The following TOX2 variants were observed in gnomAD, a reference collection of about 807,000 sequenced individuals.
The protein encoded by TOX2 is TOX high mobility group box family member 2, also known as granulosa cell HMG box 1.
Under a neutral mutation model 47.4 loss-of-function variants are expected in TOX2, and 15 were observed. The observed-to-expected ratio is 0.32, with a 90% CI of 0.21 to 0.49. TOX2 has a LOEUF of 0.49. Among genes scored for constraint, TOX2 ranks in the 20% least tolerant of loss-of-function variants. The probability of loss-of-function intolerance (pLI) is 0.99; values close to 1 mark genes in which losing one functional copy is unlikely to be tolerated. For synonymous variants in TOX2, 290 were observed against 296.6 expected (o/e 0.98, Z 0.23); for missense variants, 622 against 673.1 (o/e 0.92, Z 0.84).
chr20:44,033,119 G>C (rs2071182873), intron 3 of TOX2, among the ~76,000 whole-genome samples: 1 of 152,220 alleles, frequency 6.6e-6, no homozygotes. Flanking sequence ...AAATTTGTCA[G>C]CGTGCAAAGG....
rs73120165 is a variant in TOX2, at chr20:44,041,187, A to G, written c.412-10119A>G. Among the ~76,000 whole-genome samples the G allele has an allele frequency of 2.5e-3, 382 of 152,342 alleles. 1 individual carries two copies. The highest frequency in any genetic ancestry group is 0.023 in the South Asian group (109 of 4,828). On this transcript the variant is annotated intron_variant, in intron 3 of 8. Transcript: ENST00000341197. ...GGGTGGCCTTTAGCACCCCTGTGCC[A>G]GTCAAGCAGTGGTGAGGTCTGCTGC...
chr20:43,938,658 C>T (rs2069361262), intron 1 of TOX2, among the ~76,000 whole-genome samples: 1 of 152,296 alleles, frequency 6.6e-6, no homozygotes, highest in East Asian at 1.9e-4. Flanking sequence ...AGCTCTTTAC[C>T]CGGGATTCAC....
intron 1 of TOX2, among the ~76,000 whole-genome samples, chr20:43,929,289 C>T (rs1422737494): frequency 6.6e-6 from 1 of 152,234 alleles, no homozygotes; most frequent in African/African-American, 2.4e-5. Flanking sequence ...CTGCTTAAAG[C>T]CTTCCAGTGC....
intron 1 of TOX2, among the ~76,000 whole-genome samples, chr20:43,938,464 C>A (rs918583257): frequency 6.6e-6 from 1 of 152,210 alleles, no homozygotes; most frequent in African/African-American, 2.4e-5. Context: ...TAAGTTGAAG[C>A]AATCCTGGCT....
chr20:43,959,113 G>T (rs1043935343), intron 1 of TOX2, among the ~76,000 whole-genome samples: 31 of 152,212 alleles, frequency 2.0e-4, no homozygotes, highest in Non-Finnish European at 1.5e-4. Context: ...AAGGCAACTG[G>T]GGTGAAAGCG....
chr20:44,029,687 C>T (rs150687811), intron 3 of TOX2, among the ~76,000 whole-genome samples: 2,126 of 152,316 alleles, frequency 0.014, 25 homozygotes, highest in Non-Finnish European at 0.024. Flanking sequence ...CCTCCACAAT[C>T]GCACTTTCTG....
chr20:44,056,140 G>C (rs2071611757), intron 5 of TOX2, among the ~76,000 whole-genome samples: 1 of 152,204 alleles, frequency 6.6e-6, no homozygotes, highest in South Asian at 2.1e-4. Context: ...GGGCAAGGGT[G>C]CTGGGGTGGA....
At chr20:43,978,756 A>G (rs2070121658) in intron 2 of TOX2, among the ~76,000 whole-genome samples, 1 of 133,500 alleles carries the variant, frequency 7.5e-6, no homozygotes, top group Admixed American at 8.4e-5. Flanking sequence ...GGAATTATTG[A>G]AAGAACTTGT....
chr20:43,936,968 A>G (rs2069334400), intron 1 of TOX2, among the ~76,000 whole-genome samples: 1 of 152,206 alleles, frequency 6.6e-6, no homozygotes, highest in Non-Finnish European at 1.5e-5. Context: ...TGTGCCAGGC[A>G]CTGTGGCAGG....
chr20:43,943,651 A>C (rs960822995), intron 1 of TOX2, among the ~76,000 whole-genome samples: 1 of 152,004 alleles, frequency 6.6e-6, no homozygotes, highest in Admixed American at 6.5e-5. Flanking sequence ...GGAACAACAA[A>C]AAAAAAGTTT....
At position 44,066,049 on chromosome 20, in the gene TOX2, C is replaced by T; in HGVS notation, c.1298C>T (p.Pro433Leu). The T allele has an allele frequency of 2.5e-6, 4 of 1,590,424 alleles. No individual in the cohort carries two copies. Among genetic ancestry groups the T allele is most frequent in the East Asian group, 4.5e-5 (2 of 44,676 alleles). Residue 433 changes from proline to leucine, a missense_variant, in exon 7 of 9, where the codon CCC (proline) becomes CTC (leucine). Physicochemically the swap from Pro to Leu is moderately conservative, Grantham distance 98. This residue lies in a region of TOX2 where 294 missense variants were observed against 300.0 expected (regional missense o/e 0.98). Coordinates refer to ENST00000341197, the MANE Select transcript of TOX2 (RefSeq NM_001098797.2). ...CCAGCCCCCCAGCCCCCTGTCCTGC[C>T]CACCCCCATGGCACTCCAGGTGCAG... Reference protein sequence around the residue: ...MSPAPQPPVLPTPMALQVQLA... With the variant: ...MSPAPQPPVLLTPMALQVQLA...
chr20:44,014,877 A>G (rs1257371265), intron 3 of TOX2, among the ~76,000 whole-genome samples: 1 of 152,102 alleles, frequency 6.6e-6, no homozygotes, highest in Non-Finnish European at 1.5e-5. Context: ...GCTGGGGGAC[A>G]GGCAGGGGAA....
chr20:44,052,776 G>T (rs915469931), intron 4 of TOX2, among the ~76,000 whole-genome samples: 1 of 152,154 alleles, frequency 6.6e-6, no homozygotes, highest in Non-Finnish European at 1.5e-5. Context: ...GCTAGTAAGT[G>T]GGGGGAACCA....
At chr20:44,059,347 C>G (rs1194578622) in intron 5 of TOX2, among the ~76,000 whole-genome samples, 3 of 152,076 alleles carry the variant, frequency 2.0e-5, no homozygotes, top group African/African-American at 7.2e-5. Context: ...ATGAACAAAG[C>G]CTCCAAGAAG....
At position 44,055,071 on chromosome 20, in the gene TOX2, C is replaced by T. The variant is rs148296678; in HGVS notation, c.879+545C>T. ...TCACATCTGGGCTGGGCTTTCCCCC[C>T]GGTATGTCACTGAATCCTTACAACA... On this transcript the variant is annotated intron_variant, in intron 5 of 8. Coordinates refer to ENST00000341197, the MANE Select transcript of TOX2 (RefSeq NM_001098797.2). 1.7e-3 allele frequency among the ~76,000 whole-genome samples: 252 copies of T among 152,290 alleles called. 1 individual carries two copies. The highest frequency in any genetic ancestry group is 5.7e-3 in the African/African-American group (237 of 41,554).
At chr20:43,921,200 G>A (rs2069109312) in intron 1 of TOX2, among the ~76,000 whole-genome samples, 1 of 152,244 alleles carries the variant, frequency 6.6e-6, no homozygotes, top group Non-Finnish European at 1.5e-5. Flanking sequence ...CTGTAGGCGG[G>A]AAGAGGAGCT....
intron 1 of TOX2, among the ~76,000 whole-genome samples, chr20:43,930,637 G>C (rs1451930388): frequency 1.3e-5 from 2 of 152,162 alleles, no homozygotes; most frequent in African/African-American, 2.4e-5. Context: ...GGCACAGTTG[G>C]CCTGGCCTTC....
At chr20:44,065,422 G>A (rs1346010261) in intron 6 of TOX2, among the ~76,000 whole-genome samples, 2 of 152,356 alleles carry the variant, frequency 1.3e-5, no homozygotes, top group African/African-American at 4.8e-5. Context: ...GTTGGAAGGA[G>A]CATGATTAGA....
intron 2 of TOX2, among the ~76,000 whole-genome samples, chr20:43,993,239 C>T (rs975056782): frequency 1.3e-4 from 20 of 152,082 alleles, no homozygotes; most frequent in African/African-American, 4.6e-4. Context: ...GGAGTATCAC[C>T]ATCAGTTTTG....
Sources: allele counts gnomAD v4.1 joint callset (sites outside exome capture counted in the v4.1 genomes callset), GRCh38; gene constraint gnomAD v4.1.1; regional missense constraint gnomAD v4.1.1; transcripts MANE v1.5; gene names NCBI Gene and HGNC (gene_info 2026-07-23, HGNC 2026-07-21).